The following NEBL variants were observed in gnomAD, a reference collection of about 807,000 sequenced individuals.
The protein encoded by NEBL is nebulette, also known as LIM and SH3 protein 2.
Under a neutral mutation model 140.2 loss-of-function variants are expected in NEBL, and 122 were observed. That is an observed-to-expected ratio of 0.87 (90% CI 0.75 to 1.01). The LOEUF (loss-of-function observed/expected upper bound fraction) is 1.01, where lower values mean the gene tolerates loss of function less well. Ranked by LOEUF, NEBL falls within the 50% of genes least tolerant of loss-of-function variation. The pLI, the probability that NEBL is intolerant of heterozygous loss-of-function variation, is 0.00. For synonymous variants in NEBL, 436 were observed against 398.9 expected (o/e 1.09, Z -1.11); for missense variants, 1,365 against 1,231.3 (o/e 1.11, Z -1.62).
intron 4 of NEBL, among the ~76,000 whole-genome samples, chr10:20,915,701 T>G (rs1350659650): frequency 6.6e-6 from 1 of 152,112 alleles, no homozygotes; most frequent in African/African-American, 2.4e-5. Context: ...CTGTGAATAG[T>G]GCCACAATAA....
chr10:20,994,933 T>C (rs1837608115), intron 3 of NEBL, among the ~76,000 whole-genome samples: 1 of 151,560 alleles, frequency 6.6e-6, no homozygotes, highest in Non-Finnish European at 1.5e-5. Context: ...GGGAAGAAAA[T>C]CCACTTGTAA....
chr10:20,960,175 A>T (rs1835987002), intron 4 of NEBL, among the ~76,000 whole-genome samples: 1 of 152,072 alleles, frequency 6.6e-6, no homozygotes, highest in Non-Finnish European at 1.5e-5. Context: ...AAATTCAGTG[A>T]TTGTTGAAGA....
chr10:20,900,262 T>C (rs976728591), upstream of NEBL, among the ~76,000 whole-genome samples: 2 of 152,250 alleles, frequency 1.3e-5, no homozygotes, highest in Admixed American at 6.5e-5. Context: ...ACATCACTTA[T>C]GGCTAAACTC....
intron 1 of NEBL, among the ~76,000 whole-genome samples, chr10:21,285,657 C>G (rs574995236): frequency 5.9e-5 from 9 of 152,302 alleles, no homozygotes; most frequent in Admixed American, 1.3e-4. Flanking sequence ...TAACTGACAC[C>G]TGTCTTGAAT....
At chr10:20,926,404 G>A (rs980634609) in intron 4 of NEBL, among the ~76,000 whole-genome samples, 1 of 83,184 alleles carries the variant, frequency 1.2e-5, no homozygotes, top group Non-Finnish European at 2.7e-5. Context: ...GTGAAATTTT[G>A]CTTCTTTTAT....
At chr10:21,062,534 A>AAAAATG (rs1835351825) in intron 2 of NEBL, among the ~76,000 whole-genome samples, 1 of 151,978 alleles carries the variant, frequency 6.6e-6, no homozygotes, top group African/African-American at 2.4e-5. Context: ...AAATAAAAAT[A>AAAAATG]AAATTAGCTG....
At chr10:20,925,988 T>C (rs1189273799) in intron 4 of NEBL, among the ~76,000 whole-genome samples, 1 of 152,148 alleles carries the variant, frequency 6.6e-6, no homozygotes, top group Non-Finnish European at 1.5e-5. Flanking sequence ...GTCCATAACA[T>C]ATGGACCCAC....
chr10:20,876,646 C>T (rs947632580), intron 5 of NEBL, among the ~76,000 whole-genome samples: 1 of 152,158 alleles, frequency 6.6e-6, no homozygotes, highest in African/African-American at 2.4e-5. Flanking sequence ...ATTGAATCGA[C>T]TACCAATATG....
At position 20,999,256 on chromosome 10, in the gene NEBL, T is replaced by C. The variant is rs190834909; in HGVS notation, c.249+20861A>G. 1.5e-3 allele frequency among the ~76,000 whole-genome samples: 223 copies of C among 151,922 alleles called. 1 individual carries two copies. The highest frequency in any genetic ancestry group is 5.2e-3 in the African/African-American group (215 of 41,414). ...CAATCATTTATTGATTGCCCAATTATGTGTGAGAAGACCTGCAGTGATGCT... is the reference window on the plus strand; with the variant it reads ...CAATCATTTATTGATTGCCCAATTACGTGTGAGAAGACCTGCAGTGATGCT... On this transcript the variant is annotated intron_variant, in intron 3 of 6. Transcript: ENST00000417816.
intron 2 of NEBL, among the ~76,000 whole-genome samples, chr10:21,085,845 A>T (rs1836602233): frequency 6.6e-6 from 1 of 152,166 alleles, no homozygotes; most frequent in Non-Finnish European, 1.5e-5. Context: ...TGCACTTCTC[A>T]TTTACATCTC....
At chr10:21,046,002 G>C (rs950284326) in intron 2 of NEBL, among the ~76,000 whole-genome samples, 2 of 109,598 alleles carry the variant, frequency 1.8e-5, no homozygotes, top group Non-Finnish European at 4.0e-5. Context: ...ATAAAAAAAT[G>C]TGGTACACAC....
chr10:21,223,291 A>G (rs1842099260), intron 3 of NEBL, among the ~76,000 whole-genome samples: 1 of 152,214 alleles, frequency 6.6e-6, no homozygotes, highest in Admixed American at 6.5e-5. Flanking sequence ...ATAAGTGAGA[A>G]TATGTGAAGT....
intron 10 of NEBL, 99 bp downstream of exon 10, chr10:20,852,446 G>T (rs1842632615): frequency 1.3e-6 from 1 of 791,842 alleles, no homozygotes; most frequent in Non-Finnish European, 2.2e-6. Context: ...TTCTGCAACT[G>T]TACTTTCTCA....
chr10:20,847,515 G>A (rs16921139), intron 11 of NEBL, among the ~76,000 whole-genome samples: 33,876 of 151,994 alleles, frequency 0.22, 4,170 homozygotes, highest in East Asian at 0.43. Flanking sequence ...TCAGTGAAAG[G>A]AAAGTTATCC....
At chr10:21,137,334 G>A (rs895926589) in intron 2 of NEBL, among the ~76,000 whole-genome samples, 12 of 152,226 alleles carry the variant, frequency 7.9e-5, no homozygotes, top group Admixed American at 3.9e-4. Flanking sequence ...AAACAACTGC[G>A]GTATTCAGTT....
At chr10:20,940,029 G>GC (rs1834763804) in intron 4 of NEBL, among the ~76,000 whole-genome samples, 1 of 150,374 alleles carries the variant, frequency 6.7e-6, no homozygotes, top group South Asian at 2.1e-4. Context: ...AGATCAACGA[G>GC]ACAGAAAGTT....
intron 3 of NEBL, among the ~76,000 whole-genome samples, chr10:21,220,713 C>T (rs890409274): frequency 2.6e-5 from 4 of 152,114 alleles, no homozygotes; most frequent in African/African-American, 9.7e-5. Flanking sequence ...GAAGAGATAA[C>T]CTATGGAATG....
chr10:21,037,442 GAA>G (rs5783762), intron 2 of NEBL, among the ~76,000 whole-genome samples: 1 of 151,386 alleles, frequency 6.6e-6, no homozygotes, highest in African/African-American at 2.4e-5. Context: ...AAATTGCAAA[GAA>G]AAAAAATGGG....
intron 2 of NEBL, among the ~76,000 whole-genome samples, chr10:21,120,393 C>CATATATAT (rs1201775144): frequency 0.012 from 723 of 59,484 alleles, 11 homozygotes; most frequent in Non-Finnish European, 0.015. Flanking sequence ...AAAAAAAATA[C>CATATATAT]ATATATATAT....
Sources: allele counts gnomAD v4.1 joint callset (sites outside exome capture counted in the v4.1 genomes callset), GRCh38; gene constraint gnomAD v4.1.1; transcripts MANE v1.5; gene names NCBI Gene and HGNC (gene_info 2026-07-23, HGNC 2026-07-21).